Variants in CRB1 observed in about 807,000 individuals in gnomAD.
CRB1 encodes the protein crumbs cell polarity complex component 1, also known as protein crumbs homolog 1.
A neutral mutation model predicts 120.0 loss-of-function variants in CRB1; 83 were observed. The observed-to-expected ratio is 0.69, with a 90% confidence interval of 0.58 to 0.83. The LOEUF (loss-of-function observed/expected upper bound fraction) is 0.83. CRB1 is among the 40% of genes least tolerant of loss of function. CRB1 has a pLI of 0.00. For missense variants in CRB1, 1,699 were observed against 1,687.6 expected, an observed-to-expected ratio of 1.01 and a Z score of -0.12; for synonymous variants, 625 against 612.5, an observed-to-expected ratio of 1.02 and a Z score of -0.30.
chr1:197,391,497 T>C (rs1225936632), intron 5 of CRB1, among the ~76,000 whole-genome samples: 7 of 152,134 alleles, frequency 4.6e-5, no homozygotes, highest in African/African-American at 1.7e-4. Flanking sequence ...TAATGGAAGA[T>C]GATTACATCA....
intron 1 of CRB1, among the ~76,000 whole-genome samples, chr1:197,295,391 G>A (rs902306608): frequency 6.6e-6 from 1 of 151,970 alleles, no homozygotes; most frequent in Admixed American, 6.6e-5. Flanking sequence ...GCAAAATAAG[G>A]ACAACTGAGA....
intron 5 of CRB1, among the ~76,000 whole-genome samples, chr1:197,374,262 A>G (rs1016907873): frequency 4.6e-5 from 7 of 152,150 alleles, no homozygotes; most frequent in African/African-American, 1.7e-4. Flanking sequence ...AGAAAACCAT[A>G]CTATCCCCCA....
At chr1:197,369,871 T>C (rs1571413057) in intron 5 of CRB1, among the ~76,000 whole-genome samples, 1 of 152,150 alleles carries the variant, frequency 6.6e-6, no homozygotes, top group Non-Finnish European at 1.5e-5. Flanking sequence ...CAAATCATGC[T>C]ATATTCTCAG....
chr1:197,415,522 C>T (rs1663934627), intron 5 of CRB1, among the ~76,000 whole-genome samples: 1 of 151,892 alleles, frequency 6.6e-6, no homozygotes, highest in South Asian at 2.1e-4. Flanking sequence ...TTGCCAAACT[C>T]ATTGTCACCT....
chr1:197,211,170 C>T, the CRB1 span, among the ~76,000 whole-genome samples: 9 of 152,014 alleles, frequency 5.9e-5, no homozygotes, highest in Non-Finnish European at 1.2e-4. Flanking sequence ...TAGTGTTTAT[C>T]CCACTTTCTT....
At chr1:197,414,849 G>T (rs1018437843) in intron 5 of CRB1, among the ~76,000 whole-genome samples, 4 of 152,022 alleles carry the variant, frequency 2.6e-5, no homozygotes. Flanking sequence ...AAATAAATAT[G>T]TTGGACTTTA....
chr1:197,251,149 A>G, the CRB1 span, among the ~76,000 whole-genome samples: 1 of 152,078 alleles, frequency 6.6e-6, no homozygotes, highest in Non-Finnish European at 1.5e-5. Flanking sequence ...ATTTCCAATC[A>G]CAGGTCTTCC....
intron 11 of CRB1, 122 bp downstream of exon 11, chr1:197,442,414 A>G: frequency 6.2e-7 from 1 of 1,600,964 alleles, no homozygotes; most frequent in Non-Finnish European, 8.5e-7. Flanking sequence ...CAGGAAGATT[A>G]TTAACATACA....
At chr1:197,360,394 C>T (rs1660710661) in intron 5 of CRB1, 1 of 152,158 alleles carries the variant, frequency 6.6e-6, no homozygotes. Context: ...CCAACTGCCC[C>T]GCATCTGCTG....
chr1:197,267,989 C>T (rs117122632), upstream of CRB1, among the ~76,000 whole-genome samples: 119 of 152,236 alleles, frequency 7.8e-4, 2 homozygotes, highest in East Asian at 0.022. Context: ...CAGGAACATA[C>T]GGTATTCCTT....
chr1:197,436,031 C>T lies in CRB1; in HGVS notation c.3749+419C>T, dbSNP rs769127649. On this transcript the variant is annotated intron_variant, in intron 9 of 11. Transcript: ENST00000367400. ...CAGGCAGGTAAATACTCTAAAATCC[C>T]GAAAACAGTACATTAAAGTATACAG... Among the ~76,000 whole-genome samples the T allele has an allele frequency of 5.7e-4, 87 of 152,028 alleles. 2 individuals carry two copies. The highest frequency in any genetic ancestry group is 1.0e-4 in the Non-Finnish European group (7 of 67,988).
intron 7 of CRB1, among the ~76,000 whole-genome samples, chr1:197,428,679 T>C (rs1298158200): frequency 6.6e-6 from 1 of 152,210 alleles, no homozygotes; most frequent in African/African-American, 2.4e-5. Context: ...GTAACATAGT[T>C]ATGGAACATT....
chr1:197,390,224 G>A (rs1012062641), intron 5 of CRB1, among the ~76,000 whole-genome samples: 8 of 151,912 alleles, frequency 5.3e-5, no homozygotes, highest in Admixed American at 3.9e-4. Context: ...ATATAATTGT[G>A]TTCTTTTATT....
chr1:197,314,020 A>G (rs1657701282), intron 1 of CRB1, among the ~76,000 whole-genome samples: 1 of 152,232 alleles, frequency 6.6e-6, no homozygotes, highest in East Asian at 1.9e-4. Flanking sequence ...AAGATTTGCT[A>G]AAAACCTGAC....
intron 5 of CRB1, among the ~76,000 whole-genome samples, chr1:197,380,108 A>G (rs1661872334): frequency 6.6e-6 from 1 of 152,206 alleles, no homozygotes; most frequent in Non-Finnish European, 1.5e-5. Flanking sequence ...TTTCTACTTA[A>G]CACCTCGGTT....
At chr1:197,306,886 A>G (rs1657205207) in intron 1 of CRB1, among the ~76,000 whole-genome samples, 1 of 152,188 alleles carries the variant, frequency 6.6e-6, no homozygotes, top group African/African-American at 2.4e-5. Context: ...CAATAGAATG[A>G]TCTGTATTCT....
At chr1:197,319,198 C>A (rs1368664559) in intron 1 of CRB1, among the ~76,000 whole-genome samples, 12 of 138,740 alleles carry the variant, frequency 8.6e-5, no homozygotes, top group African/African-American at 3.2e-4. Context: ...CTGAGGTGGG[C>A]AAATCATGAG....
intron 2 of CRB1, among the ~76,000 whole-genome samples, chr1:197,331,666 G>A (rs1558059431): frequency 6.6e-6 from 1 of 151,946 alleles, no homozygotes; most frequent in Non-Finnish European, 1.5e-5. Context: ...TCCATTTTCT[G>A]CTTCTATCTC....
intron 1 of CRB1, among the ~76,000 whole-genome samples, chr1:197,274,533 T>C (rs1655094732): frequency 6.6e-6 from 1 of 152,192 alleles, no homozygotes; most frequent in Non-Finnish European, 1.5e-5. Context: ...TTTTGACAAA[T>C]GCACCATTAA....
Sources: allele counts gnomAD v4.1 joint callset (sites outside exome capture counted in the v4.1 genomes callset), GRCh38; gene constraint gnomAD v4.1.1; transcripts MANE v1.5; gene names NCBI Gene and HGNC (gene_info 2026-07-23, HGNC 2026-07-21).